CAMTA1: variants seen among roughly 807,000 people sequenced by gnomAD.
CAMTA1 encodes the protein calmodulin-binding transcription activator 1.
Under a neutral mutation model 170.9 loss-of-function variants are expected in CAMTA1, and 27 were observed. That is an observed-to-expected ratio of 0.16 (90% CI 0.12 to 0.22). The LOEUF is 0.22. Among genes scored for constraint, CAMTA1 ranks in the 10% least tolerant of loss-of-function variants. The pLI, the probability that CAMTA1 is intolerant of heterozygous loss-of-function variation, is 1.00. For missense variants in CAMTA1, 1,619 were observed against 2,217.2 expected (o/e 0.73, Z 5.42); for synonymous variants, 833 against 891.5 (o/e 0.93, Z 1.17).
chr1:7,728,031 G>A (rs1222318344), intron 11 of CAMTA1, among the ~76,000 whole-genome samples: 3 of 152,236 alleles, frequency 2.0e-5, no homozygotes, highest in Admixed American at 6.5e-5. Context: ...CAGAGATGCC[G>A]TTATGCATGA....
intron 3 of CAMTA1, among the ~76,000 whole-genome samples, chr1:7,060,104 G>A (rs186844895): frequency 1.3e-5 from 2 of 152,310 alleles, no homozygotes; most frequent in Admixed American, 6.5e-5. Flanking sequence ...TTTGCATGAT[G>A]GGGACCTTAA....
At chr1:7,168,909 G>T (rs779192859) in intron 4 of CAMTA1, among the ~76,000 whole-genome samples, 1 of 152,104 alleles carries the variant, frequency 6.6e-6, no homozygotes, top group Admixed American at 6.6e-5. Flanking sequence ...TTTGCTGTAG[G>T]GGTTTTATTT....
At chr1:7,559,930 G>T (rs1013989410) in intron 6 of CAMTA1, among the ~76,000 whole-genome samples, 41 of 152,280 alleles carry the variant, frequency 2.7e-4, no homozygotes, top group Admixed American at 2.0e-3. Flanking sequence ...AACCTGTCTG[G>T]GTTCTTGGAT....
In CAMTA1 at chr1:6,970,283, C is replaced by G. The variant is rs965254413; in HGVS notation, c.235-121021C>G. Among the ~76,000 whole-genome samples the G allele has an allele frequency of 1.3e-5, 2 of 152,166 alleles. No individual in the cohort carries two copies. ...GTCCACATGCATATATTTAGTGTATCTGTAATCCTAATGTGTACGGGACCT... is the reference window on the plus strand; with the variant it reads ...GTCCACATGCATATATTTAGTGTATGTGTAATCCTAATGTGTACGGGACCT... On this transcript the variant is annotated intron_variant, in intron 3 of 22. Transcript: ENST00000303635. This position sits in a 1 kb window ranked among gnomAD's most constrained non-coding sequence, Gnocchi z 4.4.
intron 5 of CAMTA1, among the ~76,000 whole-genome samples, chr1:7,407,815 G>A (rs1005691965): frequency 3.3e-5 from 5 of 152,024 alleles, no homozygotes; most frequent in Non-Finnish European, 7.4e-5. Flanking sequence ...CAAGGCCATC[G>A]CAGGGCATTG....
intron 4 of CAMTA1, among the ~76,000 whole-genome samples, chr1:7,139,653 C>G (rs2148605372): frequency 2.0e-5 from 3 of 152,252 alleles, no homozygotes; most frequent in South Asian, 2.1e-4. Flanking sequence ...CTGCCTGATT[C>G]ATTGGATGAC....
At position 7,561,086 on chromosome 1, in the gene CAMTA1, G is replaced by T. The variant is rs1270337044; in HGVS notation, c.511-79314G>T. Among the ~76,000 whole-genome samples the T allele has an allele frequency of 6.6e-6, 1 of 152,138 alleles. No individual in the cohort carries two copies. Among genetic ancestry groups the T allele is most frequent in the Non-Finnish European group, 1.5e-5 (1 of 68,010 alleles). ...GGGCTGGGCGCTTCCCATGAGGCAGGATCCTCATTGCTGTCCTTTCTGAAC... is the reference window on the plus strand; with the variant it reads ...GGGCTGGGCGCTTCCCATGAGGCAGTATCCTCATTGCTGTCCTTTCTGAAC... On this transcript the variant is annotated intron_variant, in intron 6 of 22. Coordinates refer to ENST00000303635, the MANE Select transcript of CAMTA1 (RefSeq NM_015215.4). The surrounding 1 kb of genome is among the most constrained non-coding windows in gnomAD (Gnocchi z 5.3).
intron 7 of CAMTA1, among the ~76,000 whole-genome samples, chr1:7,660,546 A>T (rs968668706): frequency 6.6e-6 from 1 of 152,204 alleles, no homozygotes; most frequent in African/African-American, 2.4e-5. Flanking sequence ...CAAAAAAAAT[A>T]AATAAGTAAA....
intron 6 of CAMTA1, among the ~76,000 whole-genome samples, chr1:7,480,253 ATG>A: frequency 1.4e-5 from 1 of 69,240 alleles, no homozygotes; most frequent in South Asian, 4.4e-4. Flanking sequence ...GTGTGTGTGC[ATG>A]TGTGTATGTG....
At chr1:6,848,974 T>C (rs959299813) in intron 3 of CAMTA1, among the ~76,000 whole-genome samples, 1 of 152,218 alleles carries the variant, frequency 6.6e-6, no homozygotes, top group Non-Finnish European at 1.5e-5. Flanking sequence ...TTTGGTTGTC[T>C]TCTCATCTCA....
At chr1:7,292,282 C>T (rs770761228) in intron 5 of CAMTA1, among the ~76,000 whole-genome samples, 3 of 152,088 alleles carry the variant, frequency 2.0e-5, no homozygotes, top group Non-Finnish European at 4.4e-5. Context: ...ACTACTCTTA[C>T]GTCCTGGCAG....
intron 3 of CAMTA1, among the ~76,000 whole-genome samples, chr1:6,895,230 A>G (rs1675371948): frequency 6.6e-6 from 1 of 152,216 alleles, no homozygotes; most frequent in African/African-American, 2.4e-5. Flanking sequence ...TATGAACATG[A>G]AGGCTGAGAT....
chr1:7,586,901 C>T (rs977200057), intron 6 of CAMTA1, among the ~76,000 whole-genome samples: 6 of 151,950 alleles, frequency 3.9e-5, no homozygotes, highest in African/African-American at 1.2e-4. Context: ...TGGATGGGGA[C>T]GTCCCCACCT....
At chr1:7,434,952 T>C (rs2092301006) in intron 5 of CAMTA1, among the ~76,000 whole-genome samples, 1 of 151,392 alleles carries the variant, frequency 6.6e-6, no homozygotes, top group African/African-American at 2.4e-5. Flanking sequence ...CTGGGTAGGC[T>C]GAGGTAAAAG....
intron 11 of CAMTA1, among the ~76,000 whole-genome samples, chr1:7,721,153 A>C (rs967777442): frequency 6.6e-6 from 1 of 152,210 alleles, no homozygotes; most frequent in Non-Finnish European, 1.5e-5. Flanking sequence ...CTCTAGCAGG[A>C]ATGACACCTA....
chr1:7,054,639 G>A lies in CAMTA1; in HGVS notation c.235-36665G>A, dbSNP rs1158869205. Among the ~76,000 whole-genome samples the A allele has an allele frequency of 3.3e-5, 5 of 152,156 alleles. No homozygotes were observed. The South Asian group carries it at 6.2e-4, about 19-fold the overall frequency. On this transcript the variant is annotated intron_variant, in intron 3 of 22. Transcript: ENST00000303635. Reference sequence around the variant, plus strand: ...GAAGGGATGCCTCCTGGCAGAGAGCGACTGAGGGGAACAGGCAGTAGCGTG... The same window carrying A: ...GAAGGGATGCCTCCTGGCAGAGAGCAACTGAGGGGAACAGGCAGTAGCGTG...
At chr1:7,017,354 A>G (rs981174448) in intron 3 of CAMTA1, among the ~76,000 whole-genome samples, 2 of 152,250 alleles carry the variant, frequency 1.3e-5, no homozygotes, top group Non-Finnish European at 2.9e-5. Context: ...AGTCTCTTCA[A>G]GCTCTGAAAC....
intron 3 of CAMTA1, among the ~76,000 whole-genome samples, chr1:6,869,828 C>G (rs1667866624): frequency 6.6e-6 from 1 of 151,904 alleles, no homozygotes; most frequent in Non-Finnish European, 1.5e-5. Flanking sequence ...CAATTCCTGC[C>G]TGGACGTCAC....
intron 3 of CAMTA1, among the ~76,000 whole-genome samples, chr1:7,033,519 G>T (rs1291322344): frequency 6.8e-6 from 1 of 147,130 alleles, no homozygotes; most frequent in Non-Finnish European, 1.5e-5. Flanking sequence ...TGGGAATTTT[G>T]TCTTTGATTC....
Sources: gnomAD v4.1 joint callset for allele counts (sites outside exome capture counted in the v4.1 genomes callset) on GRCh38, gnomAD v4.1.1 for gene constraint, Gnocchi (gnomAD v3.1) non-coding constraint, MANE v1.5 for transcripts, NCBI Gene and HGNC (gene_info 2026-07-23, HGNC 2026-07-21) for gene names.